TBC1D5: variants seen among roughly 807,000 people sequenced by gnomAD.
TBC1D5 encodes the protein TBC1 domain family, member 5.
Under a neutral mutation model 100.3 loss-of-function variants are expected in TBC1D5, and 75 were observed. The ratio of observed to expected loss-of-function variants is 0.75; its 90% CI spans 0.62 to 0.91. TBC1D5 has a LOEUF of 0.91. Ranked by LOEUF, TBC1D5 falls within the 40% of genes least tolerant of loss-of-function variation. The probability of loss-of-function intolerance (pLI) is 0.00; values close to 1 mark genes in which losing one functional copy is unlikely to be tolerated. For synonymous variants in TBC1D5, 323 were observed against 325.6 expected, an observed-to-expected ratio of 0.99 and a Z score of 0.09; for missense variants, 910 against 942.4, an observed-to-expected ratio of 0.97 and a Z score of 0.45.
intron 3 of TBC1D5, among the ~76,000 whole-genome samples, chr3:17,441,070 A>C (rs867439173): frequency 4.6e-5 from 7 of 152,200 alleles, no homozygotes; most frequent in African/African-American, 1.7e-4. Context: ...GGCAAAAATA[A>C]ATGATAGAAT....
At chr3:17,247,044 G>C (rs574308705) in intron 16 of TBC1D5, among the ~76,000 whole-genome samples, 2 of 152,270 alleles carry the variant, frequency 1.3e-5, no homozygotes, top group East Asian at 1.9e-4. Flanking sequence ...GGGTCACACT[G>C]TATCAGTCTG....
intron 13 of TBC1D5, among the ~76,000 whole-genome samples, chr3:17,365,455 C>T (rs2092049798): frequency 6.6e-6 from 1 of 152,182 alleles, no homozygotes; most frequent in African/African-American, 2.4e-5. Context: ...AGATCCCCAT[C>T]CCCAAGCTTC....
At chr3:17,696,145 C>T (rs941671120) in intron 1 of TBC1D5, among the ~76,000 whole-genome samples, 2 of 151,596 alleles carry the variant, frequency 1.3e-5, no homozygotes, top group African/African-American at 4.9e-5. Context: ...CAGAAGAAAG[C>T]AAGAAAGATC....
chr3:17,212,470 CATT>C (rs1215043602), intron 18 of TBC1D5, among the ~76,000 whole-genome samples: 5 of 152,082 alleles, frequency 3.3e-5, no homozygotes, highest in Middle Eastern at 6.8e-3. Flanking sequence ...TACTTTTTAT[CATT>C]ATTTTATAAT....
intron 3 of TBC1D5, among the ~76,000 whole-genome samples, chr3:17,449,546 G>C (rs2149688449): frequency 6.6e-6 from 1 of 152,300 alleles, no homozygotes. Flanking sequence ...AAGCTTGGTA[G>C]GGGAAGGGGC....
chr3:17,336,635 C>T (rs1306694992), intron 13 of TBC1D5, among the ~76,000 whole-genome samples: 1 of 151,834 alleles, frequency 6.6e-6, no homozygotes, highest in East Asian at 1.9e-4. Context: ...ACATAAATCC[C>T]CAGCAACCTG....
intron 2 of TBC1D5, among the ~76,000 whole-genome samples, chr3:17,553,520 C>A (rs1576667504): frequency 6.6e-6 from 1 of 152,332 alleles, no homozygotes; most frequent in South Asian, 2.1e-4. Context: ...GCAAGTCTAA[C>A]AGCACACACA....
chr3:17,360,879 T>C (rs914881623), intron 13 of TBC1D5, among the ~76,000 whole-genome samples: 1 of 152,024 alleles, frequency 6.6e-6, no homozygotes, highest in East Asian at 1.9e-4. Context: ...ATTTGTTTTT[T>C]GGTTGTTTTC....
chr3:17,174,391 G>A (rs1440697971), intron 19 of TBC1D5, among the ~76,000 whole-genome samples: 1 of 152,134 alleles, frequency 6.6e-6, no homozygotes, highest in Admixed American at 6.5e-5. Context: ...TAATGTTTCT[G>A]AAATCACTAG....
At chr3:17,187,773 C>G (rs1477343734) in intron 18 of TBC1D5, among the ~76,000 whole-genome samples, 1 of 152,184 alleles carries the variant, frequency 6.6e-6, no homozygotes, top group Non-Finnish European at 1.5e-5. Context: ...GAGGGCCAAC[C>G]TATGGCCTGT....
intron 2 of TBC1D5, among the ~76,000 whole-genome samples, chr3:17,596,341 GAC>G (rs1428747384): frequency 4.7e-4 from 63 of 133,278 alleles, no homozygotes; most frequent in Middle Eastern, 4.3e-3. Context: ...TTTTTCCGGA[GAC>G]ACAGTCTCGC....
intron 15 of TBC1D5, among the ~76,000 whole-genome samples, chr3:17,281,417 T>C (rs1213619576): frequency 6.6e-6 from 1 of 152,336 alleles, no homozygotes; most frequent in Non-Finnish European, 1.5e-5. Flanking sequence ...ACCATACTCA[T>C]GTATCAAATG....
intron 17 of TBC1D5, among the ~76,000 whole-genome samples, chr3:17,236,101 T>C (rs944422519): frequency 1.3e-5 from 2 of 152,186 alleles, no homozygotes; most frequent in African/African-American, 4.8e-5. Flanking sequence ...AATTGTTCCA[T>C]CTCCATGCAC....
At chr3:17,632,571 T>G (rs970416578) in intron 1 of TBC1D5, among the ~76,000 whole-genome samples, 15 of 152,192 alleles carry the variant, frequency 9.9e-5, no homozygotes, top group African/African-American at 2.7e-4. Flanking sequence ...AAGAGTCAAC[T>G]GATACGGCAA....
chr3:17,686,175 G>T (rs1317154064), intron 1 of TBC1D5, among the ~76,000 whole-genome samples: 1 of 152,080 alleles, frequency 6.6e-6, no homozygotes, highest in Non-Finnish European at 1.5e-5. Context: ...CAAAGTCCTT[G>T]AAAGAACACG....
At chr3:17,233,965 A>T (rs1183709380) in intron 17 of TBC1D5, among the ~76,000 whole-genome samples, 1 of 152,118 alleles carries the variant, frequency 6.6e-6, no homozygotes. Flanking sequence ...TGTTTTTCTT[A>T]AAGAAAACAC....
intron 8 of TBC1D5, among the ~76,000 whole-genome samples, chr3:17,394,256 G>A (rs1159737368): frequency 6.6e-6 from 1 of 152,068 alleles, no homozygotes; most frequent in African/African-American, 2.4e-5. Context: ...TTATGTTTCT[G>A]TCCTGTTTTG....
chr3:17,163,779 A>G (rs2066321531), intron 21 of TBC1D5, among the ~76,000 whole-genome samples: 1 of 152,234 alleles, frequency 6.6e-6, no homozygotes, highest in Non-Finnish European at 1.5e-5. Flanking sequence ...GTGGATACCA[A>G]ACACTTGAAA....
intron 3 of TBC1D5, among the ~76,000 whole-genome samples, chr3:17,437,298 C>G (rs566448498): frequency 6.6e-6 from 1 of 152,076 alleles, no homozygotes; most frequent in Non-Finnish European, 1.5e-5. Context: ...TAACACAAAA[C>G]AGACTAAGAT....
Sources: gnomAD v4.1 joint callset for allele counts (sites outside exome capture counted in the v4.1 genomes callset) on GRCh38, gnomAD v4.1.1 for gene constraint, MANE v1.5 for transcripts, NCBI Gene and HGNC (gene_info 2026-07-23, HGNC 2026-07-21) for gene names.